The following FAM227B variants were observed in gnomAD, a reference collection of about 807,000 sequenced individuals.
FAM227B encodes protein FAM227B.
FAM227B carries 88 observed loss-of-function variants against 73.8 expected under a neutral mutation model. That is an observed-to-expected ratio of 1.19 (90% CI 1.00 to 1.42). The LOEUF is 1.42. Ranked by LOEUF, FAM227B falls within the 40% of genes most tolerant of loss-of-function variation. The pLI is 0.00. For synonymous variants in FAM227B, 210 were observed against 190.5 expected (o/e 1.10, Z -0.84); for missense variants, 632 against 590.9 (o/e 1.07, Z -0.72).
chr15:49,373,087 T>A (rs1435556784), intron 11 of FAM227B, among the ~76,000 whole-genome samples: 1 of 152,014 alleles, frequency 6.6e-6, no homozygotes, highest in South Asian at 2.1e-4. Context: ...TAATACTTAA[T>A]ATATATGATA....
chr15:49,579,467 A>G (rs1361929280), intron 5 of FAM227B, among the ~76,000 whole-genome samples: 1 of 152,234 alleles, frequency 6.6e-6, no homozygotes, highest in Non-Finnish European at 1.5e-5. Flanking sequence ...TAGCCATTAA[A>G]CGAATGAAAT....
Position 49,450,676 on chromosome 15 carries a change from T to C in FAM227B, c.1012+57535A>G, listed in dbSNP as rs545526382. 7.9e-5 allele frequency among the ~76,000 whole-genome samples: 12 copies of C among 152,276 alleles called. 1 individual carries two copies. In the South Asian group the frequency reaches 2.3e-3, roughly 29 times the overall value. The stretch of plus-strand genomic sequence containing the variant: ...ACATTTCAGAGAACAAAAACTTCCT[T>C]ATGCCTCTTGATTCCCACATCACAG... On this transcript the variant is annotated intron_variant, in intron 11 of 15. Transcript: ENST00000299338.
At chr15:49,571,434 C>CA (rs2075096809) in intron 8 of FAM227B, among the ~76,000 whole-genome samples, 1 of 151,820 alleles carries the variant, frequency 6.6e-6, no homozygotes, top group Non-Finnish European at 1.5e-5. Context: ...CCGTACAAAC[C>CA]AACGTCATGG....
chr15:49,602,210 G>A (rs756199739), intron 3 of FAM227B, among the ~76,000 whole-genome samples: 5 of 152,082 alleles, frequency 3.3e-5, no homozygotes, highest in Non-Finnish European at 7.4e-5. Context: ...GATTTTTGAG[G>A]AACCTTCAAA....
intron 3 of FAM227B, among the ~76,000 whole-genome samples, chr15:49,598,278 C>G (rs926930737): frequency 6.6e-6 from 1 of 151,882 alleles, no homozygotes; most frequent in Admixed American, 6.6e-5. Flanking sequence ...TTGCTAGTAC[C>G]TAGAAATACT....
intron 10 of FAM227B, among the ~76,000 whole-genome samples, chr15:49,517,637 C>T (rs1171491623): frequency 6.6e-6 from 1 of 152,136 alleles, no homozygotes; most frequent in Non-Finnish European, 1.5e-5. Context: ...GGCTTTACTG[C>T]AGCTACTATT....
Position 49,577,649 on chromosome 15 carries a change from C to G in FAM227B, c.421G>C (p.Glu141Gln). The change falls in exon 6 of 16, where the codon GAG (glutamate) becomes CAG (glutamine). Residue 141 changes from glutamate to glutamine, a missense_variant. Physicochemically the swap from Glu to Gln is conservative, Grantham distance 29. Coordinates refer to ENST00000299338, the MANE Select transcript of FAM227B (RefSeq NM_152647.3). Reference sequence around the variant, plus strand: ...AGTACCTCTATATTCTTCTCTGTCTCCATTTCATCTGAAAGCTGGAAAACA... The same window carrying G: ...AGTACCTCTATATTCTTCTCTGTCTGCATTTCATCTGAAAGCTGGAAAACA... Reference protein sequence around the residue: ...KKKIMLSDEMETEKNIEGCSF... With the variant: ...KKKIMLSDEMQTEKNIEGCSF... The G allele has an allele frequency of 6.4e-7, 1 of 1,564,718 alleles. No individual in the cohort carries two copies. The highest frequency in any genetic ancestry group is 8.7e-7 in the Non-Finnish European group (1 of 1,147,934).
chr15:49,596,673 G>C (rs1254527354), intron 3 of FAM227B, among the ~76,000 whole-genome samples: 1 of 151,888 alleles, frequency 6.6e-6, no homozygotes, highest in Non-Finnish European at 1.5e-5. Context: ...AGAAGATACA[G>C]AATGGCAGAA....
At chr15:49,382,167 TA>T (rs1159776811) in intron 11 of FAM227B, among the ~76,000 whole-genome samples, 9 of 152,144 alleles carry the variant, frequency 5.9e-5, no homozygotes, top group African/African-American at 2.2e-4. Flanking sequence ...AAAATTTTAG[TA>T]TAGGTACAAT....
At chr15:49,593,218 T>C (rs983282026) in intron 3 of FAM227B, among the ~76,000 whole-genome samples, 2 of 152,110 alleles carry the variant, frequency 1.3e-5, no homozygotes, top group African/African-American at 4.8e-5. Context: ...CCCAATGAGA[T>C]GAAGCAGGTA....
chr15:49,531,706 C>G (rs1280471489), intron 10 of FAM227B, among the ~76,000 whole-genome samples: 1 of 151,912 alleles, frequency 6.6e-6, no homozygotes. Flanking sequence ...GTTTAGTCCT[C>G]CAAGAGGCCC....
chr15:49,615,333 T>C (rs1293160684), intron 1 of FAM227B, 90 bp from the exon 2 acceptor site: 12 of 662,246 alleles, frequency 1.8e-5, no homozygotes, highest in African/African-American at 3.6e-5. Context: ...TTCTGACTTT[T>C]ACCAAGTCAG....
intron 5 of FAM227B, 130 bp downstream of exon 5, chr15:49,587,882 TAGAG>T: frequency 1.3e-6 from 1 of 753,024 alleles, no homozygotes; most frequent in Non-Finnish European, 1.8e-6. Flanking sequence ...CTTTAAAACA[TAGAG>T]ATAGATTGGT....
At chr15:49,531,951 T>C (rs1332837757) in intron 10 of FAM227B, among the ~76,000 whole-genome samples, 1 of 151,478 alleles carries the variant, frequency 6.6e-6, no homozygotes, top group Non-Finnish European at 1.5e-5. Context: ...ACTTTGTCTA[T>C]TAAATGACTT....
intron 11 of FAM227B, among the ~76,000 whole-genome samples, chr15:49,507,550 A>C (rs2058671720): frequency 6.6e-6 from 1 of 152,150 alleles, no homozygotes. Flanking sequence ...GAAATAGCAT[A>C]AACAGGAGAG....
At position 49,447,769 on chromosome 15, in the gene FAM227B, C is replaced by T. The variant is rs74473738; in HGVS notation, c.1012+60442G>A. Among the ~76,000 whole-genome samples the T allele has an allele frequency of 5.6e-3, 846 of 151,644 alleles. 6 individuals carry two copies. Among genetic ancestry groups the T allele is most frequent in the African/African-American group, 0.019 (806 of 41,432 alleles). On this transcript the variant is annotated intron_variant, in intron 11 of 15. Coordinates refer to ENST00000299338, the MANE Select transcript of FAM227B (RefSeq NM_152647.3). ...GACTTTGTCCTCATTACTGCTTGCT[C>T]CAAACTAATTCAACTAACTGGTCAC...
chr15:49,612,974 T>C (rs757934782), intron 2 of FAM227B, among the ~76,000 whole-genome samples: 3 of 151,966 alleles, frequency 2.0e-5, no homozygotes, highest in African/African-American at 7.2e-5. Flanking sequence ...CTCATGGAGA[T>C]AGAGATAGAA....
rs2050360531 is a variant in FAM227B at position 49,428,968 on chromosome 15, C to T, written c.1013-57569G>A. Among the ~76,000 whole-genome samples the T allele has an allele frequency of 3.9e-5, 6 of 151,966 alleles. 1 individual carries two copies. The South Asian group carries it at 1.2e-3, about 31-fold the overall frequency. ...TTGACTTTGGCTACAAAACCTTCAG[C>T]GACTCATTTGTCAACAATTCTTTGG... On this transcript the variant is annotated intron_variant, in intron 11 of 15. Transcript: ENST00000299338.
At chr15:49,396,176 T>G (rs2047594566) in intron 11 of FAM227B, 1 of 351,704 alleles carries the variant, frequency 2.8e-6, no homozygotes, top group South Asian at 2.1e-5. Flanking sequence ...AGGCATTGCC[T>G]CACTTGGGAA....
Sources: gnomAD v4.1 joint callset for allele counts (sites outside exome capture counted in the v4.1 genomes callset) on GRCh38, gnomAD v4.1.1 for gene constraint, MANE v1.5 for transcripts, NCBI Gene and HGNC (gene_info 2026-07-23, HGNC 2026-07-21) for gene names.